Variants in SETD3 observed in about 807,000 individuals in gnomAD.
SETD3 encodes actin-histidine N-methyltransferase.
SETD3 carries 19 observed loss-of-function variants against 63.0 expected under a neutral mutation model. That is an observed-to-expected ratio of 0.30 (90% CI 0.21 to 0.44). SETD3 has a LOEUF of 0.44. SETD3 is among the 20% of genes least tolerant of loss of function. The pLI is 1.00. For missense variants in SETD3, 587 were observed against 728.5 expected (o/e 0.81, Z 2.24); for synonymous variants, 286 against 264.1 (o/e 1.08, Z -0.80).
chr14:99,429,683 T>C (rs879748562), intron 6 of SETD3, among the ~76,000 whole-genome samples: 5 of 152,194 alleles, frequency 3.3e-5, no homozygotes, highest in Non-Finnish European at 5.9e-5. Flanking sequence ...CTTTGAAACA[T>C]GTGCTCTGTA....
intron 2 of SETD3, among the ~76,000 whole-genome samples, chr14:99,464,240 C>A (rs186717421): frequency 6.6e-6 from 1 of 152,350 alleles, no homozygotes; most frequent in East Asian, 1.9e-4. Flanking sequence ...GCACACTGGG[C>A]ACCCCGCCTA....
chr14:99,418,621 C>T (rs898945529), intron 6 of SETD3, among the ~76,000 whole-genome samples: 4 of 152,142 alleles, frequency 2.6e-5, no homozygotes, highest in Non-Finnish European at 4.4e-5. Flanking sequence ...ATGGCCTCAG[C>T]AAATACATGT....
At position 99,398,629 on chromosome 14, in the gene SETD3, T is replaced by C; in HGVS notation, c.*50A>G. On this transcript the variant is annotated 3_prime_UTR_variant, in exon 13 of 13. Coordinates refer to ENST00000331768, the MANE Select transcript of SETD3 (RefSeq NM_032233.3). ...AGGAAACACAGCGATGTGAACGGACTGTCCGTCAACTCCTGCTCCACTGGA... is the reference window on the plus strand; with the variant it reads ...AGGAAACACAGCGATGTGAACGGACCGTCCGTCAACTCCTGCTCCACTGGA... 1 of 1,520,986 alleles carries C rather than the reference T, an allele frequency of 6.6e-7. No homozygotes were observed. The highest frequency in any genetic ancestry group is 9.0e-7 in the Non-Finnish European group (1 of 1,105,942). 94.2% of individuals were successfully genotyped at this position (1,520,986 alleles called of 1,614,324 possible).
chr14:99,467,207 C>A (rs935451135), intron 1 of SETD3, among the ~76,000 whole-genome samples: 2 of 152,204 alleles, frequency 1.3e-5, no homozygotes, highest in African/African-American at 4.8e-5. Context: ...TTCTAAAAAT[C>A]AGTGTAAAAT....
chr14:99,420,839 T>C (rs1466705192), intron 6 of SETD3, among the ~76,000 whole-genome samples: 2 of 145,206 alleles, frequency 1.4e-5, no homozygotes, highest in East Asian at 2.1e-4. Flanking sequence ...CCCGAACATG[T>C]AGCACACACC....
intron 6 of SETD3, among the ~76,000 whole-genome samples, chr14:99,421,232 G>C: frequency 6.6e-6 from 1 of 151,964 alleles, no homozygotes; most frequent in East Asian, 1.9e-4. Flanking sequence ...GAAATAAACA[G>C]AACGGTAAAA....
intron 6 of SETD3, among the ~76,000 whole-genome samples, chr14:99,422,853 TCCC>T (rs1347501186): frequency 1.3e-5 from 2 of 151,974 alleles, no homozygotes; most frequent in South Asian, 4.2e-4. Context: ...CAAAAACCCT[TCCC>T]CCATCAAAGG....
chr14:99,440,185 C>T (rs756385697), intron 6 of SETD3, among the ~76,000 whole-genome samples: 9 of 152,134 alleles, frequency 5.9e-5, no homozygotes, highest in Admixed American at 1.3e-4. Context: ...CCCGATGAGA[C>T]TGAATGTAAA....
At chr14:99,401,587 G>A (rs904434410) in intron 11 of SETD3, among the ~76,000 whole-genome samples, 1 of 152,152 alleles carries the variant, frequency 6.6e-6, no homozygotes, top group African/African-American at 2.4e-5. Context: ...AAGGATTCAA[G>A]CAGTTTTAAG....
At chr14:99,422,391 T>C (rs1010738377) in intron 6 of SETD3, among the ~76,000 whole-genome samples, 4 of 152,212 alleles carry the variant, frequency 2.6e-5, no homozygotes, top group African/African-American at 7.2e-5. Flanking sequence ...ATACTAGCAT[T>C]ATCTTTTTGG....
At chr14:99,477,443 A>G (rs8021833) in intron 1 of SETD3, among the ~76,000 whole-genome samples, 140,349 of 152,206 alleles carry the variant, frequency 0.92, 65,807 homozygotes, top group East Asian at 1. Context: ...TCAAAAGACT[A>G]TTAAGTAACT....
chr14:99,436,625 A>G (rs1222869849), intron 6 of SETD3, among the ~76,000 whole-genome samples: 1 of 152,138 alleles, frequency 6.6e-6, no homozygotes, highest in Non-Finnish European at 1.5e-5. Context: ...TCTTAATGCA[A>G]ATTTGCTTCG....
chr14:99,427,004 C>A (rs895912960), intron 6 of SETD3, among the ~76,000 whole-genome samples: 5 of 152,150 alleles, frequency 3.3e-5, no homozygotes, highest in Non-Finnish European at 5.9e-5. Context: ...GAGAAGCAGG[C>A]GGTGATGTCA....
At chr14:99,435,121 T>C (rs559632027) in intron 6 of SETD3, among the ~76,000 whole-genome samples, 1 of 152,324 alleles carries the variant, frequency 6.6e-6, no homozygotes, top group South Asian at 2.1e-4. Context: ...ACCAGGTACA[T>C]ATTTTCATCC....
intron 6 of SETD3, among the ~76,000 whole-genome samples, chr14:99,437,401 C>T (rs2139707488): frequency 6.6e-6 from 1 of 152,316 alleles, no homozygotes; most frequent in African/African-American, 2.4e-5. Context: ...TCCCTACTCC[C>T]ACTCTTTCTG....
intron 3 of SETD3, 92 bp from the exon 4 acceptor site, chr14:99,461,432 A>G (rs1895056139): frequency 7.7e-6 from 10 of 1,299,214 alleles, no homozygotes; most frequent in Non-Finnish European, 1.1e-5. Context: ...GCCATAACTA[A>G]CACTGGAAAT....
rs762611042 is a variant in SETD3 at position 99,398,662 on chromosome 14, T to A, written c.*17A>T. On this transcript the variant is annotated 3_prime_UTR_variant, in exon 13 of 13. Transcript: ENST00000331768. Reference sequence around the variant, plus strand: ...AACTCCTGCTCCACTGGATCCCCCATCCAGCTTCACCTCGAGCTACTCCTT... The same window carrying A: ...AACTCCTGCTCCACTGGATCCCCCAACCAGCTTCACCTCGAGCTACTCCTT... The A allele has an allele frequency of 6.2e-7, 1 of 1,607,250 alleles. No individual in the cohort carries two copies. Among genetic ancestry groups the A allele is most frequent in the Non-Finnish European group, 8.5e-7 (1 of 1,174,962 alleles).
chr14:99,458,596 A>T, intron 5 of SETD3, 61 bp from the exon 6 acceptor site: 7 of 1,556,456 alleles, frequency 4.5e-6, no homozygotes, highest in Non-Finnish European at 6.1e-6. Context: ...CTTCATTTAA[A>T]TATACGTTTA....
rs535295537 is a variant in SETD3, at chr14:99,418,417, C to T, written c.676-4483G>A. 6.6e-5 allele frequency among the ~76,000 whole-genome samples: 10 copies of T among 152,238 alleles called. No homozygotes were observed. The East Asian group carries it at 1.5e-3, about 24-fold the overall frequency. ...GCCAGGAACAGACACACCTAACTCA[C>T]GTGATGGTTTCATTTTCCTTCCTTC... On this transcript the variant is annotated intron_variant, in intron 6 of 12. Coordinates refer to ENST00000331768, the MANE Select transcript of SETD3 (RefSeq NM_032233.3).
Sources: gnomAD v4.1 joint callset for allele counts (sites outside exome capture counted in the v4.1 genomes callset) on GRCh38, gnomAD v4.1.1 for gene constraint, MANE v1.5 for transcripts, NCBI Gene and HGNC (gene_info 2026-07-23, HGNC 2026-07-21) for gene names.